Variants in ABCG8 observed in about 807,000 individuals in gnomAD.
The protein encoded by ABCG8 is ATP binding cassette subfamily G member 8.
ABCG8 carries 81 observed loss-of-function variants against 71.3 expected under a neutral mutation model. That is an observed-to-expected ratio of 1.14 (90% confidence interval 0.95 to 1.37). The LOEUF is 1.37. ABCG8 is among the 40% of genes most tolerant of loss of function. The pLI, the probability that ABCG8 is intolerant of heterozygous loss-of-function variation, is 0.00. For synonymous variants in ABCG8, 451 were observed against 354.7 expected (o/e 1.27, Z -3.05); for missense variants, 1,119 against 866.2 (o/e 1.29, Z -3.66).
chr2:43,873,388 C>T (rs1382665740), intron 8 of ABCG8, among the ~76,000 whole-genome samples: 2 of 151,946 alleles, frequency 1.3e-5, no homozygotes, highest in Non-Finnish European at 2.9e-5. Flanking sequence ...GATGGAGTTT[C>T]TCCACGTTGG....
chr2:43,856,049 AC>A (rs1669094185), intron 6 of ABCG8, among the ~76,000 whole-genome samples: 1 of 151,794 alleles, frequency 6.6e-6, no homozygotes. Context: ...TAGAACTCTC[AC>A]TTTCTAGCTT....
chr2:43,844,760 A>G (rs1668692000), intron 2 of ABCG8, 152 bp downstream of exon 2: 3 of 660,776 alleles, frequency 4.5e-6, no homozygotes, highest in Non-Finnish European at 8.3e-6. Context: ...GTCAGGTGCA[A>G]TAGGTGTCAT....
At chr2:43,849,439 C>G (rs1218743197) in intron 3 of ABCG8, among the ~76,000 whole-genome samples, 1 of 152,158 alleles carries the variant, frequency 6.6e-6, no homozygotes, top group Admixed American at 6.5e-5. Flanking sequence ...ACTTTTTAAA[C>G]TCACTCACTA....
chr2:43,843,892 C>T (rs17031711), intron 1 of ABCG8, among the ~76,000 whole-genome samples: 3,578 of 152,232 alleles, frequency 0.024, 139 homozygotes, highest in African/African-American at 0.082. Context: ...AAGCTCCCAG[C>T]AGCATTTTCC....
chr2:43,874,465 T>C lies in ABCG8; in HGVS notation c.1470T>C (p.Gly490=), dbSNP rs775837092. ...YELEDGLYTT[G]PYFFAKILGE... is the part of the protein sequence containing the mutation. ...TGGAAGACGGGCTGTACACCACTGG[T>C]CCATATTTCTTTGCCAAGGTGACTG... The change falls in exon 10 of 13, where the codon GGT becomes GGC. Residue 490 remains glycine (G), a synonymous_variant. Transcript: ENST00000272286. The C allele has an allele frequency of 1.5e-5, 24 of 1,613,572 alleles. No individual in the cohort carries two copies. The highest frequency in any genetic ancestry group is 1.9e-5 in the Non-Finnish European group (22 of 1,179,822).
chr2:43,845,310 T>A (rs1668710572), intron 2 of ABCG8, among the ~76,000 whole-genome samples: 1 of 152,050 alleles, frequency 6.6e-6, no homozygotes, highest in African/African-American at 2.4e-5. Flanking sequence ...GGCCTGAGTC[T>A]GGCTTCCTGT....
intron 6 of ABCG8, among the ~76,000 whole-genome samples, chr2:43,864,927 C>G (rs4603816): frequency 6.6e-6 from 1 of 151,512 alleles, no homozygotes; most frequent in Non-Finnish European, 1.5e-5. Flanking sequence ...TAACTCTCTG[C>G]ATATAACTCT....
chr2:43,877,344 G>A (rs1439682358), intron 11 of ABCG8, among the ~76,000 whole-genome samples: 7 of 150,798 alleles, frequency 4.6e-5, no homozygotes, highest in East Asian at 3.9e-4. Flanking sequence ...AAAGGAGATC[G>A]TGGGAATATG....
intron 4 of ABCG8, among the ~76,000 whole-genome samples, chr2:43,852,077 G>A (rs1192521112): frequency 6.6e-6 from 1 of 152,226 alleles, no homozygotes; most frequent in Non-Finnish European, 1.5e-5. Context: ...ATTTGTTTGT[G>A]TGTTTTCTGG....
chr2:43,844,481 C>A, intron 1 of ABCG8, 26 bp from the exon 2 acceptor site: 3 of 1,564,582 alleles, frequency 1.9e-6, no homozygotes, highest in South Asian at 2.2e-5. Flanking sequence ...TCTAAAGGAG[C>A]CCCTCATCTC....
chr2:43,871,040 A>T lies in ABCG8; in HGVS notation c.965-936A>T, dbSNP rs538708293. Among the ~76,000 whole-genome samples the T allele has an allele frequency of 9.1e-4, 135 of 149,090 alleles. 1 individual carries two copies. In the South Asian group the frequency reaches 9.8e-3, roughly 11 times the overall value. ...TCTCTGGATAGAACTCTCACTATCT[A>T]TCTGGATAGAATTCTTACTCTAGAT... On this transcript the variant is annotated intron_variant, in intron 6 of 12. Coordinates refer to ENST00000272286, the MANE Select transcript of ABCG8 (RefSeq NM_022437.3).
At chr2:43,841,962 A>G (rs939725891) in intron 1 of ABCG8, among the ~76,000 whole-genome samples, 36 of 151,912 alleles carry the variant, frequency 2.4e-4, no homozygotes, top group African/African-American at 7.7e-4. Flanking sequence ...TTTAAAAACA[A>G]CAACAGCAAG....
chr2:43,841,320 G>A (rs1327410093), intron 1 of ABCG8, among the ~76,000 whole-genome samples: 1 of 152,220 alleles, frequency 6.6e-6, no homozygotes, highest in Non-Finnish European at 1.5e-5. Flanking sequence ...CATGAGCAGA[G>A]CTGGTTACCT....
intron 11 of ABCG8, among the ~76,000 whole-genome samples, chr2:43,877,343 C>G (rs888692785): frequency 3.4e-5 from 5 of 146,478 alleles, no homozygotes; most frequent in Non-Finnish European, 7.5e-5. Context: ...TAAAGGAGAT[C>G]GTGGGAATAT....
At chr2:43,864,503 T>G (rs1007612086) in intron 6 of ABCG8, among the ~76,000 whole-genome samples, 7 of 151,738 alleles carry the variant, frequency 4.6e-5, no homozygotes, top group African/African-American at 1.7e-4. Context: ...ATTCTCACCC[T>G]CTGGATAGAT....
At chr2:43,865,630 T>C (rs964961654) in intron 6 of ABCG8, among the ~76,000 whole-genome samples, 1 of 151,628 alleles carries the variant, frequency 6.6e-6, no homozygotes, top group Non-Finnish European at 1.5e-5. Flanking sequence ...TGGATAGAAT[T>C]CTCCCTACTG....
Position 43,877,636 on chromosome 2 carries a change from G to A in ABCG8, c.1832G>A (p.Arg611Lys), listed in dbSNP as rs749407558. ...EGLMKIQFSR[R>K]TYKMPLGNLT... is the part of the protein sequence containing the mutation. ...CTGATGAAGATTCAGTTCAGCAGAAGAACTTATAAAATGCCTCTCGGGAAC... is the reference window on the plus strand; with the variant it reads ...CTGATGAAGATTCAGTTCAGCAGAAAAACTTATAAAATGCCTCTCGGGAAC... Residue 611 changes from arginine (R) to lysine (K), a missense_variant, in exon 12 of 13, where the codon AGA becomes AAA. Coordinates refer to ENST00000272286, the MANE Select transcript of ABCG8 (RefSeq NM_022437.3). 3.1e-6 allele frequency: 5 copies of A among 1,614,034 alleles called. No individual in the cohort carries two copies. Among genetic ancestry groups the A allele is most frequent in the Non-Finnish European group, 4.2e-6 (5 of 1,180,028 alleles).
chr2:43,877,637 A>G lies in ABCG8; in HGVS notation c.1833A>G (p.Arg611=). The part of the protein sequence containing the change: ...EGLMKIQFSR[R]TYKMPLGNLT... The stretch of plus-strand genomic sequence containing the variant: ...TGATGAAGATTCAGTTCAGCAGAAG[A>G]ACTTATAAAATGCCTCTCGGGAACC... The change falls in exon 12 of 13, where the codon AGA becomes AGG. Residue 611 remains arginine (R), a synonymous_variant. Coordinates refer to ENST00000272286, the MANE Select transcript of ABCG8 (RefSeq NM_022437.3). The G allele has an allele frequency of 6.2e-7, 1 of 1,614,120 alleles. No individual in the cohort carries two copies.
rs963383664 is a variant in ABCG8, at chr2:43,879,111, T to A, written c.*1198T>A. ...TTCTTCATAGCAGTGTGAGAGCAGA[T>A]GAATACACTGGCCCTGCCTGGGTTT... is the stretch of plus-strand genomic sequence containing the variant. On this transcript the variant is annotated 3_prime_UTR_variant, in exon 13 of 13. Transcript: ENST00000272286. 4 of 152,234 alleles carry A rather than the reference T, an allele frequency of 2.6e-5. No homozygotes were observed. Among genetic ancestry groups the A allele is most frequent in the African/African-American group, 4.8e-5 (2 of 41,408 alleles). The allele number at this position is 152,234 out of a possible 1,614,324, so 9.4% of individuals were successfully genotyped here. A position where few individuals can be genotyped will look rare whatever the true frequency, so the allele number is the denominator to read the frequency against.
Sources: gnomAD v4.1 joint callset for allele counts (sites outside exome capture counted in the v4.1 genomes callset) on GRCh38, gnomAD v4.1.1 for gene constraint, MANE v1.5 for transcripts, NCBI Gene and HGNC (gene_info 2026-07-23, HGNC 2026-07-21) for gene names.